The following SNX9 variants were observed in gnomAD, a reference collection of about 807,000 sequenced individuals.
SNX9 encodes sorting nexin-9.
SNX9 carries 44 observed loss-of-function variants against 89.4 expected under a neutral mutation model. The observed-to-expected ratio is 0.49, with a 90% CI of 0.39 to 0.63. SNX9 has a LOEUF of 0.63. SNX9 is among the 30% of genes least tolerant of loss of function. The probability of loss-of-function intolerance (pLI) is 0.00; values close to 1 mark genes in which losing one functional copy is unlikely to be tolerated. For synonymous variants in SNX9, 236 were observed against 247.8 expected (o/e 0.95, Z 0.45); for missense variants, 578 against 736.1 (o/e 0.79, Z 2.49).
chr6:157,831,190 T>C (rs1781471974), intron 1 of SNX9, among the ~76,000 whole-genome samples: 1 of 152,218 alleles, frequency 6.6e-6, no homozygotes, highest in African/African-American at 2.4e-5. Flanking sequence ...CTCATGGTGC[T>C]TTGTTTTCTT....
chr6:157,889,099 A>G (rs1167333722), intron 4 of SNX9, among the ~76,000 whole-genome samples: 1 of 152,194 alleles, frequency 6.6e-6, no homozygotes, highest in African/African-American at 2.4e-5. Flanking sequence ...AAATGTCTGC[A>G]GTTGAGAGAC....
intron 9 of SNX9, among the ~76,000 whole-genome samples, chr6:157,914,463 C>CATTTTT (rs1783416359): frequency 1.0e-5 from 1 of 96,632 alleles, no homozygotes; most frequent in African/African-American, 4.4e-5. Flanking sequence ...TTGTCATTTT[C>CATTTTT]TTTTTCTTTT....
rs1398368537 is a variant in SNX9 at position 157,834,149 on chromosome 6, GGTTTTTTTTTT to G, written c.12+10704_12+10714del. On this transcript the variant is annotated intron_variant, in intron 1 of 17. Coordinates refer to ENST00000392185, the MANE Select transcript of SNX9 (RefSeq NM_016224.5). ...GATCCTGCCATGTGGTGTCCACTGTGGTTTTTTTTTTTTTTTTTTTTTTTTTTTTTTTTTTT... is the reference window on the plus strand; with the variant it reads ...GATCCTGCCATGTGGTGTCCACTGTGTTTTTTTTTTTTTTTTTTTTTTTTT... 7.4e-3 allele frequency among the ~76,000 whole-genome samples: 446 copies of G among 60,044 alleles called. 11 individuals are homozygous for G. Among genetic ancestry groups the G allele is most frequent in the Middle Eastern group, 0.028 (3 of 108 alleles). 39.4% of individuals were successfully genotyped at this position (60,044 alleles called of 152,430 possible).
At chr6:157,902,069 A>AACCAGGGC in intron 6 of SNX9, 24 bp downstream of exon 6, 1 of 1,611,484 alleles carries the variant, frequency 6.2e-7, no homozygotes, top group Non-Finnish European at 8.5e-7. Context: ...GGAGCCAGGG[A>AACCAGGGC]ACCAGGGCCG....
intron 13 of SNX9, among the ~76,000 whole-genome samples, chr6:157,933,428 C>T (rs1233713606): frequency 6.6e-6 from 1 of 152,162 alleles, no homozygotes; most frequent in East Asian, 1.9e-4. Flanking sequence ...CTTTGGATGT[C>T]GGTTTCTGAA....
chr6:157,876,430 G>A (rs760804637), intron 4 of SNX9, among the ~76,000 whole-genome samples: 4 of 152,284 alleles, frequency 2.6e-5, no homozygotes, highest in Middle Eastern at 6.8e-3. Context: ...CAGCCTGGGC[G>A]AGTGAGACTC....
intron 1 of SNX9, among the ~76,000 whole-genome samples, chr6:157,830,907 C>G (rs1781466957): frequency 6.6e-6 from 1 of 152,194 alleles, no homozygotes; most frequent in African/African-American, 2.4e-5. Context: ...GTGCTACATT[C>G]TGGATGATTT....
intron 4 of SNX9, chr6:157,885,341 G>A (rs367924871): frequency 1.1e-4 from 16 of 152,206 alleles, no homozygotes; most frequent in Admixed American, 7.2e-4. Flanking sequence ...GTTTTCTAAC[G>A]TCAGTACAGA....
At chr6:157,931,361 GA>G (rs1296205940) in intron 12 of SNX9, among the ~76,000 whole-genome samples, 1 of 152,146 alleles carries the variant, frequency 6.6e-6, no homozygotes, top group African/African-American at 2.4e-5. Flanking sequence ...ATTTTTTAAA[GA>G]AACATTAAAA....
chr6:157,865,922 G>A (rs1025860847), intron 1 of SNX9, among the ~76,000 whole-genome samples: 4 of 152,184 alleles, frequency 2.6e-5, no homozygotes, highest in African/African-American at 9.7e-5. Flanking sequence ...GACTAGCCCT[G>A]TCGCTAAACT....
intron 1 of SNX9, among the ~76,000 whole-genome samples, chr6:157,863,206 T>TA (rs1782183779): frequency 6.6e-6 from 1 of 152,262 alleles, no homozygotes; most frequent in Non-Finnish European, 1.5e-5. Flanking sequence ...GAATAACAGA[T>TA]ATGTACAACA....
intron 4 of SNX9, among the ~76,000 whole-genome samples, chr6:157,886,224 C>G (rs1782733119): frequency 6.6e-6 from 1 of 151,774 alleles, no homozygotes; most frequent in African/African-American, 2.4e-5. Flanking sequence ...TTTTTGTTGT[C>G]AGAAGTAGGG....
chr6:157,834,222 G>A (rs1781535735), intron 1 of SNX9, among the ~76,000 whole-genome samples: 1 of 129,466 alleles, frequency 7.7e-6, no homozygotes, highest in African/African-American at 2.9e-5. Flanking sequence ...AGGCTGAAGT[G>A]CAGTGGTGCA....
chr6:157,869,486 A>C (rs1421826558), intron 2 of SNX9, among the ~76,000 whole-genome samples: 1 of 152,118 alleles, frequency 6.6e-6, no homozygotes, highest in East Asian at 1.9e-4. Flanking sequence ...CTTTCCATTC[A>C]GTGAACCAAG....
intron 4 of SNX9, among the ~76,000 whole-genome samples, chr6:157,877,656 G>T (rs1782545969): frequency 6.6e-6 from 1 of 152,168 alleles, no homozygotes; most frequent in African/African-American, 2.4e-5. Context: ...GGGAGGCTCT[G>T]ATTGCCTGTG....
intron 4 of SNX9, among the ~76,000 whole-genome samples, chr6:157,877,913 C>A (rs13218342): frequency 0.061 from 9,338 of 152,212 alleles, 311 homozygotes; most frequent in South Asian, 0.1. Flanking sequence ...TCCTGAGTGT[C>A]GTATTTTTCT....
At chr6:157,908,648 G>A (rs1032443890) in intron 7 of SNX9, among the ~76,000 whole-genome samples, 2 of 152,148 alleles carry the variant, frequency 1.3e-5, no homozygotes, top group Non-Finnish European at 2.9e-5. Context: ...CCATGGCCTT[G>A]GATGCTGTTT....
chr6:157,846,143 T>C (rs1781803245), intron 1 of SNX9, among the ~76,000 whole-genome samples: 1 of 152,248 alleles, frequency 6.6e-6, no homozygotes, highest in South Asian at 2.1e-4. Context: ...TGGTCACCTT[T>C]TCCCCTCTGT....
chr6:157,905,323 A>G (rs1454438340), intron 6 of SNX9, among the ~76,000 whole-genome samples: 1 of 152,202 alleles, frequency 6.6e-6, no homozygotes, highest in East Asian at 1.9e-4. Context: ...TCGTAGAAAT[A>G]AGATTCCTTT....
Sources: allele counts gnomAD v4.1 joint callset (sites outside exome capture counted in the v4.1 genomes callset), GRCh38; gene constraint gnomAD v4.1.1; transcripts MANE v1.5; gene names NCBI Gene and HGNC (gene_info 2026-07-23, HGNC 2026-07-21).